USH2A: variants seen among roughly 807,000 people sequenced by gnomAD.
USH2A encodes the protein Usher syndrome 2A (autosomal recessive, mild).
A neutral mutation model predicts 538.9 loss-of-function variants in USH2A; 443 were observed. That is an observed-to-expected ratio of 0.82 (90% CI 0.76 to 0.89). USH2A has a LOEUF of 0.89. USH2A is among the 40% of genes least tolerant of loss of function. USH2A has a pLI of 0.00. For synonymous variants in USH2A, 2,413 were observed against 2,273.5 expected (o/e 1.06, Z -1.75); for missense variants, 6,633 against 6,324.8 (o/e 1.05, Z -1.65).
intron 3 of USH2A, among the ~76,000 whole-genome samples, chr1:216,378,713 A>G (rs375944559): frequency 2.0e-5 from 3 of 151,732 alleles, no homozygotes; most frequent in Non-Finnish European, 4.4e-5. Flanking sequence ...ACCCCTCACC[A>G]GGCACACATG....
At chr1:216,368,401 T>C (rs1041515392) in intron 3 of USH2A, among the ~76,000 whole-genome samples, 1 of 152,204 alleles carries the variant, frequency 6.6e-6, no homozygotes, top group African/African-American at 2.4e-5. Context: ...AGATCTTTGC[T>C]GCTATTTTAC....
chr1:216,035,276 C>A (rs1258660564), intron 32 of USH2A, among the ~76,000 whole-genome samples: 1 of 152,126 alleles, frequency 6.6e-6, no homozygotes, highest in Non-Finnish European at 1.5e-5. Flanking sequence ...GGGCCCAAAT[C>A]CAATATGACT....
rs140201227 is a variant in USH2A at position 216,329,102 on chromosome 1, C to A, written c.785-1448G>T. Among the ~76,000 whole-genome samples the A allele has an allele frequency of 3.5e-3, 539 of 152,220 alleles. 3 individuals carry two copies. The highest frequency in any genetic ancestry group is 0.013 in the African/African-American group (524 of 41,544). ...GGGAGAGTTTCTCTACTCTATCTAT[C>A]CTAAAACAGGCAGCTGGCACAAGTG... On this transcript the variant is annotated intron_variant, in intron 4 of 71. Transcript: ENST00000307340.
intron 38 of USH2A, among the ~76,000 whole-genome samples, chr1:215,911,669 T>C (rs532786979): frequency 1.3e-5 from 2 of 152,212 alleles, no homozygotes; most frequent in South Asian, 2.1e-4. Context: ...GAAACAAACA[T>C]AGGAATGAAG....
intron 61 of USH2A, among the ~76,000 whole-genome samples, chr1:215,702,360 T>G (rs1659055619): frequency 6.6e-6 from 1 of 152,204 alleles, no homozygotes; most frequent in East Asian, 1.9e-4. Flanking sequence ...CTTTGAATGT[T>G]GGCCTGTCTT....
chr1:216,040,653 G>A (rs1185885009), intron 32 of USH2A, among the ~76,000 whole-genome samples: 1 of 152,010 alleles, frequency 6.6e-6, no homozygotes, highest in African/African-American at 2.4e-5. Context: ...ATCCTGGTAT[G>A]TTGAACAGTC....
At chr1:216,307,599 A>G (rs2037342089) in intron 9 of USH2A, among the ~76,000 whole-genome samples, 1 of 152,156 alleles carries the variant, frequency 6.6e-6, no homozygotes, top group Admixed American at 6.5e-5. Context: ...AGATTCTGCT[A>G]GGAAAGTTGG....
chr1:216,007,361 A>G (rs1334071678), intron 32 of USH2A, among the ~76,000 whole-genome samples: 1 of 152,156 alleles, frequency 6.6e-6, no homozygotes, highest in Non-Finnish European at 1.5e-5. Flanking sequence ...AAAAAAAACA[A>G]AAAAATCTTC....
chr1:216,191,970 A>T (rs1237149893), intron 19 of USH2A, among the ~76,000 whole-genome samples: 1 of 152,056 alleles, frequency 6.6e-6, no homozygotes. Context: ...TTAAAAATAC[A>T]TTATTGGCCC....
intron 43 of USH2A, among the ~76,000 whole-genome samples, chr1:215,873,280 A>T (rs1008078021): frequency 6.6e-6 from 1 of 152,342 alleles, no homozygotes. Context: ...TTTTATTCAC[A>T]TTCCCATATT....
intron 14 of USH2A, among the ~76,000 whole-genome samples, chr1:216,225,489 G>T (rs965054303): frequency 3.3e-5 from 5 of 152,178 alleles, no homozygotes; most frequent in African/African-American, 1.2e-4. Context: ...CCACACGACT[G>T]ATTTAGTAAG....
chr1:216,375,181 T>A (rs919177462), intron 3 of USH2A, among the ~76,000 whole-genome samples: 12 of 152,184 alleles, frequency 7.9e-5, no homozygotes, highest in African/African-American at 2.7e-4. Context: ...CCAACTGCAT[T>A]AGCCCCTAAC....
chr1:215,841,258 C>T (rs1663668783), intron 46 of USH2A, among the ~76,000 whole-genome samples: 1 of 152,044 alleles, frequency 6.6e-6, no homozygotes, highest in Non-Finnish European at 1.5e-5. Context: ...GCAAAAAGAA[C>T]AAAGGTGGAG....
rs1316915780 is a variant in USH2A, at chr1:215,876,262, C to T, written c.8681+1496G>A. Among the ~76,000 whole-genome samples the T allele has an allele frequency of 5.3e-5, 8 of 152,074 alleles. No homozygotes were observed. The South Asian group carries it at 1.7e-3, about 31-fold the overall frequency. On this transcript the variant is annotated intron_variant, in intron 43 of 71. Coordinates refer to ENST00000307340, the MANE Select transcript of USH2A (RefSeq NM_206933.4). ...TCTGCTAGTAATTGACCAATCTTCA[C>T]CTATAAAAGTGGCAGTTTCATATAG...
intron 32 of USH2A, among the ~76,000 whole-genome samples, chr1:216,007,743 C>T (rs879283162): frequency 2.0e-5 from 3 of 152,212 alleles, no homozygotes; most frequent in Admixed American, 2.0e-4. Context: ...AGAAAGAAAG[C>T]ATCCTGGGTG....
chr1:216,122,061 G>T (rs2033148524), intron 21 of USH2A, among the ~76,000 whole-genome samples: 1 of 152,150 alleles, frequency 6.6e-6, no homozygotes, highest in African/African-American at 2.4e-5. Flanking sequence ...TAATGAAAAT[G>T]TAGGGCTGTC....
intron 43 of USH2A, among the ~76,000 whole-genome samples, chr1:215,876,502 G>A (rs1001617857): frequency 1.3e-5 from 2 of 152,220 alleles, no homozygotes; most frequent in African/African-American, 2.4e-5. Context: ...GTATTCAGGT[G>A]TAGGGCACTA....
chr1:216,069,094 T>C (rs192570554), intron 30 of USH2A, among the ~76,000 whole-genome samples: 1 of 152,258 alleles, frequency 6.6e-6, no homozygotes, highest in Admixed American at 6.5e-5. Context: ...AGTGCTCATC[T>C]GAAAGTGGGG....
At chr1:216,006,195 C>G (rs1445804363) in intron 32 of USH2A, among the ~76,000 whole-genome samples, 3 of 152,158 alleles carry the variant, frequency 2.0e-5, no homozygotes, top group Non-Finnish European at 2.9e-5. Context: ...CATAGTTACA[C>G]CTACTACTTC....
Sources: allele counts gnomAD v4.1 joint callset (sites outside exome capture counted in the v4.1 genomes callset), GRCh38; gene constraint gnomAD v4.1.1; transcripts MANE v1.5; gene names NCBI Gene and HGNC (gene_info 2026-07-23, HGNC 2026-07-21).